The following PSMC4 variants were observed in gnomAD, a reference collection of about 807,000 sequenced individuals.
The protein encoded by PSMC4 is 26S proteasome regulatory subunit 6B.
Under a neutral mutation model 48.4 loss-of-function variants are expected in PSMC4, and 13 were observed. That is an observed-to-expected ratio of 0.27 (90% CI 0.18 to 0.43). The LOEUF is 0.43. PSMC4 is among the 20% of genes least tolerant of loss of function. The pLI is 1.00. For synonymous variants in PSMC4, 202 were observed against 212.3 expected (o/e 0.95, Z 0.42); for missense variants, 262 against 555.9 (o/e 0.47, Z 5.32).
At chr19:39,978,283 G>A (rs1444646080) in intron 6 of PSMC4, among the ~76,000 whole-genome samples, 1 of 152,092 alleles carries the variant, frequency 6.6e-6, no homozygotes, top group East Asian at 1.9e-4. Context: ...GGTAGGAAGG[G>A]GACTGTAGTG....
At position 39,981,510 on chromosome 19, in the gene PSMC4, T is replaced by G; in HGVS notation, c.*205T>G. 1 of 504,266 alleles carries G rather than the reference T, an allele frequency of 2.0e-6. No individual in the cohort carries two copies. Among genetic ancestry groups the G allele is most frequent in the Non-Finnish European group, 3.6e-6 (1 of 278,448 alleles). 31.2% of individuals were successfully genotyped at this position (504,266 alleles called of 1,614,324 possible). A position where few individuals can be genotyped will look rare whatever the true frequency, so the allele number is the denominator to read the frequency against. ...CCTTGAATAGGATCCTCTGGGTCCC[T>G]CTTAATCTGACAGATGAGCAGACGA... On this transcript the variant is annotated 3_prime_UTR_variant, in exon 11 of 11. Transcript: ENST00000157812.
chr19:39,980,893 C>T lies in PSMC4; in HGVS notation c.1143+176C>T, dbSNP rs1336289386. 6.6e-6 allele frequency among the ~76,000 whole-genome samples: 1 copy of T among 152,000 alleles called. No individual in the cohort carries two copies. The highest frequency in any genetic ancestry group is 1.9e-4 in the East Asian group (1 of 5,180). Reference sequence around the variant, plus strand: ...ACAGGGGTAGTGTTTTTGTGTTTTGCTTTGAGACAGGGACTCACTCTGTCG... The same window carrying T: ...ACAGGGGTAGTGTTTTTGTGTTTTGTTTTGAGACAGGGACTCACTCTGTCG... On this transcript the variant is annotated intron_variant, in intron 10 of 10. Transcript: ENST00000157812. The surrounding 1 kb of genome is among the most constrained non-coding windows in gnomAD (Gnocchi z 4.8).
chr19:39,980,738 G>A lies in PSMC4; in HGVS notation c.1143+21G>A, dbSNP rs765624734. ...AGGAGGTAAGTGGTGGTTTCTCTCT[G>A]GATCCAGGCAGCGGGTGTGTGAGGA... On this transcript the variant is annotated intron_variant, in intron 10 of 10. Transcript: ENST00000157812. The surrounding 1 kb of genome is among the most constrained non-coding windows in gnomAD (Gnocchi z 4.8). The A allele has an allele frequency of 9.3e-6, 15 of 1,611,548 alleles. No homozygotes were observed. Among genetic ancestry groups the A allele is most frequent in the Middle Eastern group, 1.7e-4 (1 of 6,014 alleles).
At position 39,975,296 on chromosome 19, in the gene PSMC4, T is replaced by G. The variant is rs1971179466; in HGVS notation, c.673+468T>G. Reference sequence around the variant, plus strand: ...TATATATATTTTAATTCTTAAATTTTTTTGTAGAGATAGGGTCTCACTCTG... The same window carrying G: ...TATATATATTTTAATTCTTAAATTTGTTTGTAGAGATAGGGTCTCACTCTG... On this transcript the variant is annotated intron_variant, in intron 6 of 10. Coordinates refer to ENST00000157812, the MANE Select transcript of PSMC4 (RefSeq NM_006503.4). Among the ~76,000 whole-genome samples the G allele has an allele frequency of 2.0e-5, 3 of 152,184 alleles. No individual in the cohort carries two copies. In the South Asian group the frequency reaches 6.2e-4, roughly 32 times the overall value.
At chr19:39,972,636 C>T (rs1325713004) in intron 3 of PSMC4, 81 bp downstream of exon 3, 13 of 1,249,588 alleles carry the variant, frequency 1.0e-5, no homozygotes, top group Non-Finnish European at 1.4e-5. Context: ...GCAAACAAGG[C>T]AGGGCAGTGC....
rs768545212 is a variant in PSMC4, at chr19:39,974,661, GA to G, written c.579+29del. ...GAGGCGGTGCAGGTGGCAGGGAAGG[GA>G]GAGGCCCCATTGGGTCTGGGGTTGG... is the stretch of plus-strand genomic sequence containing the variant. On this transcript the variant is annotated intron_variant, in intron 5 of 10. Coordinates refer to ENST00000157812, the MANE Select transcript of PSMC4 (RefSeq NM_006503.4). This position sits in a 1 kb window ranked among gnomAD's most constrained non-coding sequence, Gnocchi z 5.5. 20,430 of 1,612,892 alleles carry G rather than the reference GA, an allele frequency of 0.013. 177 individuals are homozygous for G. The highest frequency in any genetic ancestry group is 0.015 in the Non-Finnish European group (17,800 of 1,178,940).
At position 39,980,344 on chromosome 19, in the gene PSMC4, G is replaced by T; in HGVS notation, c.977G>T (p.Arg326Leu). ...GATCCGGCCCTGCTACGGCCAGGACGGCTGGACCGTAAAATTGAATTTCCA... is the reference window on the plus strand; with the variant it reads ...GATCCGGCCCTGCTACGGCCAGGACTGCTGGACCGTAAAATTGAATTTCCA... ...TLDPALLRPG[R>L]LDRKIEFPLP... The change falls in exon 9 of 11, where the codon CGG becomes CTG. Residue 326 changes from arginine (R) to leucine (L), a missense_variant. Transcript: ENST00000157812. The surrounding 1 kb of genome is among the most constrained non-coding windows in gnomAD (Gnocchi z 4.8). 6.2e-7 allele frequency: 1 copy of T among 1,614,042 alleles called. No individual in the cohort carries two copies. Among genetic ancestry groups the T allele is most frequent in the Non-Finnish European group, 8.5e-7 (1 of 1,180,018 alleles).
At chr19:39,977,607 G>C (rs555665511) in intron 6 of PSMC4, among the ~76,000 whole-genome samples, 3 of 152,140 alleles carry the variant, frequency 2.0e-5, no homozygotes, top group South Asian at 2.1e-4. Flanking sequence ...AGATCACGAG[G>C]TCAGGAGTTC....
Position 39,972,784 on chromosome 19 carries a change from T to C in PSMC4, c.322+229T>C, listed in dbSNP as rs575575688. On this transcript the variant is annotated intron_variant, in intron 3 of 10. Coordinates refer to ENST00000157812, the MANE Select transcript of PSMC4 (RefSeq NM_006503.4). Reference sequence around the variant, plus strand: ...TTGTTTTGAGACAGAGTTTTGCTCTTGTCCAGGCTGGAGTGCAATGGCATG... The same window carrying C: ...TTGTTTTGAGACAGAGTTTTGCTCTCGTCCAGGCTGGAGTGCAATGGCATG... Among the ~76,000 whole-genome samples the C allele has an allele frequency of 2.2e-4, 33 of 152,236 alleles. No individual in the cohort carries two copies. In the South Asian group the frequency reaches 6.0e-3, roughly 28 times the overall value.
At position 39,980,063 on chromosome 19, in the gene PSMC4, C is replaced by T; in HGVS notation, c.842-7C>T. 6.2e-7 allele frequency: 1 copy of T among 1,614,110 alleles called. No individual in the cohort carries two copies. Among genetic ancestry groups the T allele is most frequent in the Non-Finnish European group, 8.5e-7 (1 of 1,180,024 alleles). On this transcript the variant is annotated splice_region_variant and splice_polypyrimidine_tract_variant and intron_variant, in intron 7 of 10. Transcript: ENST00000157812. The surrounding 1 kb of genome is among the most constrained non-coding windows in gnomAD (Gnocchi z 4.8). ...TGCCTGGGACTGACTGTGCTGTGCA[C>T]TCTCAGCCGACAGGGAGGTTCAGAG...
At position 39,974,764 on chromosome 19, in the gene PSMC4, C is replaced by T. The variant is rs1448827771; in HGVS notation, c.609C>T (p.Leu203=). The T allele has an allele frequency of 6.2e-7, 1 of 1,614,182 alleles. No homozygotes were observed. Among genetic ancestry groups the T allele is most frequent in the Non-Finnish European group, 8.5e-7 (1 of 1,180,022 alleles). Residue 203 remains leucine, a synonymous_variant, in exon 6 of 11, where the codon CTC becomes CTT. Coordinates refer to ENST00000157812, the MANE Select transcript of PSMC4 (RefSeq NM_006503.4). This position sits in a 1 kb window ranked among gnomAD's most constrained non-coding sequence, Gnocchi z 5.5. ...QIGIDPPRGV[L]MYGPPGCGKT... ...GCATCGATCCCCCCCGAGGCGTCCT[C>T]ATGTATGGCCCACCTGGCTGTGGGA...
intron 6 of PSMC4, among the ~76,000 whole-genome samples, chr19:39,978,951 G>A (rs1971246912): frequency 6.6e-6 from 1 of 152,132 alleles, no homozygotes; most frequent in African/African-American, 2.4e-5. Context: ...GATTGAGGCT[G>A]CAGTAAGCTA....
At position 39,971,200 on chromosome 19, in the gene PSMC4, A is replaced by C. The variant is rs754706942; in HGVS notation, c.-3A>C. On this transcript the variant is annotated 5_prime_UTR_variant, in exon 1 of 11. Transcript: ENST00000157812. ...AGGCCACACAGAGGCCGGCTTGGTCACTATGGAGGAGATAGGCATCTTGGT... is the reference window on the plus strand; with the variant it reads ...AGGCCACACAGAGGCCGGCTTGGTCCCTATGGAGGAGATAGGCATCTTGGT... 5 of 1,613,920 alleles carry C rather than the reference A, an allele frequency of 3.1e-6. No homozygotes were observed. Among genetic ancestry groups the C allele is most frequent in the East Asian group, 4.5e-5 (2 of 44,870 alleles).
intron 3 of PSMC4, 36 bp downstream of exon 3, chr19:39,972,591 C>G (rs767817784): frequency 6.4e-7 from 1 of 1,570,740 alleles, no homozygotes; most frequent in Non-Finnish European, 8.7e-7. Context: ...CATCTGTCCA[C>G]TTAACAACTA....
intron 3 of PSMC4, 123 bp downstream of exon 3, chr19:39,972,678 T>A: frequency 1.4e-6 from 1 of 704,824 alleles, no homozygotes; most frequent in Non-Finnish European, 2.3e-6. Flanking sequence ...TTTTGACTGA[T>A]CGAAAGGTAG....
At position 39,980,177 on chromosome 19, in the gene PSMC4, G is replaced by A. The variant is rs1190092984; in HGVS notation, c.918+31G>A. ...GGGTTTGGGATGGACAAGGGGAGGT[G>A]TGGTGTAGGAACTGGGGAAAGTTGG... is the stretch of plus-strand genomic sequence containing the variant. On this transcript the variant is annotated intron_variant, in intron 8 of 10. Transcript: ENST00000157812. This position sits in a 1 kb window ranked among gnomAD's most constrained non-coding sequence, Gnocchi z 4.8. 1 of 1,613,988 alleles carries A rather than the reference G, an allele frequency of 6.2e-7. No homozygotes were observed. The highest frequency in any genetic ancestry group is 1.7e-5 in the Admixed American group (1 of 60,012).
chr19:39,974,830 T>C lies in PSMC4; in HGVS notation c.673+2T>C. The C allele has an allele frequency of 6.2e-7, 1 of 1,613,064 alleles. No individual in the cohort carries two copies. The highest frequency in any genetic ancestry group is 8.5e-7 in the Non-Finnish European group (1 of 1,179,244). ...AGGCGGTGGCACATCACACAACAGG[T>C]GAGCCCTTTCGCCCCTGCCCCGAGC... On this transcript the variant is annotated splice_donor_variant, in intron 6 of 10. Transcript: ENST00000157812. LOFTEE classifies it high-confidence loss of function. The surrounding 1 kb of genome is among the most constrained non-coding windows in gnomAD (Gnocchi z 5.5).
chr19:39,981,148 T>A, intron 10 of PSMC4, 44 bp from the exon 11 acceptor site: 1 of 1,487,686 alleles, frequency 6.7e-7, no homozygotes, highest in Non-Finnish European at 9.4e-7. Flanking sequence ...TGAGCCACTG[T>A]GCCCTGCCAC....
At chr19:39,972,721 ATATATG>A (rs1971122692) in intron 3 of PSMC4, among the ~76,000 whole-genome samples, 166 bp downstream of exon 3, 2 of 151,546 alleles carry the variant, frequency 1.3e-5, no homozygotes, top group South Asian at 2.1e-4. Flanking sequence ...ATACACATAT[ATATATG>A]TATATCTATG....
Sources: allele counts gnomAD v4.1 joint callset (sites outside exome capture counted in the v4.1 genomes callset), GRCh38; gene constraint gnomAD v4.1.1; non-coding constraint Gnocchi (gnomAD v3.1); transcripts MANE v1.5; gene names NCBI Gene and HGNC (gene_info 2026-07-23, HGNC 2026-07-21).